The following HSD17B12 variants were observed in gnomAD, a reference collection of about 807,000 sequenced individuals.
HSD17B12 encodes the protein very-long-chain 3-oxoacyl-CoA reductase.
In HSD17B12, 32 loss-of-function variants were observed where a neutral mutation model predicts 39.3. The ratio of observed to expected loss-of-function variants is 0.81; its 90% CI spans 0.61 to 1.09. HSD17B12 has a LOEUF of 1.09. Ranked by LOEUF, HSD17B12 falls within the 50% of genes least tolerant of loss-of-function variation. The pLI is 0.00. For missense variants in HSD17B12, 342 were observed against 382.9 expected, an observed-to-expected ratio of 0.89 and a Z score of 0.89; for synonymous variants, 150 against 146.7, an observed-to-expected ratio of 1.02 and a Z score of -0.16.
At chr11:43,566,371 T>C in the HSD17B12 span, among the ~76,000 whole-genome samples, 1 of 152,242 alleles carries the variant, frequency 6.6e-6, no homozygotes, top group African/African-American at 2.4e-5. Context: ...TGTATCATCC[T>C]GTAAGTAGGT....
the HSD17B12 span, among the ~76,000 whole-genome samples, chr11:43,557,770 G>A: frequency 3.3e-5 from 5 of 152,222 alleles, no homozygotes; most frequent in East Asian, 1.9e-4. Context: ...ACTCGGGGGC[G>A]GCAGAGAAGG....
the HSD17B12 span, among the ~76,000 whole-genome samples, chr11:43,589,108 A>C: frequency 6.8e-3 from 1,041 of 152,162 alleles, 15 homozygotes; most frequent in African/African-American, 0.024. Flanking sequence ...AAGGAAAAAA[A>C]TAAGGAAAAA....
At chr11:43,575,904 G>A in the HSD17B12 span, among the ~76,000 whole-genome samples, 2 of 152,174 alleles carry the variant, frequency 1.3e-5, no homozygotes, top group Non-Finnish European at 2.9e-5. This position sits in a 1 kb window ranked among gnomAD's most constrained non-coding sequence, Gnocchi z 4.1. Flanking sequence ...GCGGTGTGTT[G>A]CAAACACAAC....
chr11:43,680,071 CT>C (rs66914646), upstream of HSD17B12, among the ~76,000 whole-genome samples: 128,843 of 148,040 alleles, frequency 0.87, 57,104 homozygotes, highest in East Asian at 0.97. Context: ...TATTTCTTTT[CT>C]TTTTTTTTTT....
chr11:43,615,289 C>T, the HSD17B12 span, among the ~76,000 whole-genome samples: 5 of 152,306 alleles, frequency 3.3e-5, no homozygotes, highest in East Asian at 9.6e-4. Flanking sequence ...TCTGGCTGGT[C>T]AGAACTCCAA....
the HSD17B12 span, among the ~76,000 whole-genome samples, chr11:43,642,343 AATG>A: frequency 6.6e-6 from 1 of 151,752 alleles, no homozygotes; most frequent in Non-Finnish European, 1.5e-5. Flanking sequence ...TTTTTAAAAG[AATG>A]ATGTGGGTAA....
At chr11:43,676,229 GTGTGTGTA>G (rs1208577181), upstream of HSD17B12, among the ~76,000 whole-genome samples, 355 of 151,664 alleles carry the variant, frequency 2.3e-3, 1 homozygote, top group Non-Finnish European at 3.5e-3. Flanking sequence ...GTGTGTGTGT[GTGTGTGTA>G]TGTGTTAAGC....
At chr11:43,681,070 C>T (rs1949739536) in intron 1 of HSD17B12, 83 bp downstream of exon 1, 1 of 1,438,734 alleles carries the variant, frequency 7.0e-7, no homozygotes, top group Non-Finnish European at 9.1e-7. Flanking sequence ...CTGGGGTCTG[C>T]TCCTGGCCTT....
At chr11:43,756,295 C>T (rs1263300328) in intron 3 of HSD17B12, among the ~76,000 whole-genome samples, 5 of 151,472 alleles carry the variant, frequency 3.3e-5, no homozygotes, top group African/African-American at 1.2e-4. Flanking sequence ...TATAGATATA[C>T]AATATATCTT....
the HSD17B12 span, among the ~76,000 whole-genome samples, chr11:43,584,034 G>A: frequency 1.1e-3 from 173 of 152,290 alleles, no homozygotes; most frequent in Middle Eastern, 6.8e-3. Context: ...TGCCCCCAGT[G>A]GGGAGAGGCA....
At chr11:43,742,344 G>A (rs995140112) in intron 1 of HSD17B12, among the ~76,000 whole-genome samples, 1 of 151,210 alleles carries the variant, frequency 6.6e-6, no homozygotes, top group Non-Finnish European at 1.5e-5. Context: ...GTCTCGCTAT[G>A]TTGCCCAGGC....
chr11:43,804,273 A>G (rs1450698522), intron 4 of HSD17B12, among the ~76,000 whole-genome samples: 1 of 152,204 alleles, frequency 6.6e-6, no homozygotes, highest in East Asian at 1.9e-4. Context: ...TTCTCTGTCC[A>G]TAGTGTTGAT....
intron 4 of HSD17B12, among the ~76,000 whole-genome samples, chr11:43,813,631 G>A (rs1951093459): frequency 6.6e-6 from 1 of 152,110 alleles, no homozygotes; most frequent in African/African-American, 2.4e-5. Flanking sequence ...TTCTGTAGGT[G>A]GTTAAAGCAA....
chr11:43,763,359 G>C (rs1164635929), intron 3 of HSD17B12, among the ~76,000 whole-genome samples: 1 of 151,928 alleles, frequency 6.6e-6, no homozygotes, highest in Non-Finnish European at 1.5e-5. Context: ...CATGACAAAA[G>C]TCAACACAAA....
chr11:43,614,660 T>C, the HSD17B12 span, among the ~76,000 whole-genome samples: 1 of 152,278 alleles, frequency 6.6e-6, no homozygotes, highest in East Asian at 1.9e-4. Flanking sequence ...TGAGACCATT[T>C]TTTATTATCC....
At chr11:43,817,650 G>A (rs1295564398) in intron 6 of HSD17B12, among the ~76,000 whole-genome samples, 1 of 151,626 alleles carries the variant, frequency 6.6e-6, no homozygotes. Context: ...GAAGATCAGT[G>A]GGCTGTGTTT....
intron 3 of HSD17B12, among the ~76,000 whole-genome samples, chr11:43,780,627 G>T (rs1326445888): frequency 1.3e-5 from 2 of 152,170 alleles, no homozygotes; most frequent in Non-Finnish European, 1.5e-5. Context: ...GCTAGATAAA[G>T]ATTATTAGAA....
chr11:43,842,389 GAGCTTTCATCCA>G (rs1438278084), intron 9 of HSD17B12, among the ~76,000 whole-genome samples: 1 of 152,176 alleles, frequency 6.6e-6, no homozygotes, highest in Non-Finnish European at 1.5e-5. Flanking sequence ...ACCCCGACCT[GAGCTTTCATCCA>G]AGGGAAGCTT....
At chr11:43,568,089 T>C in the HSD17B12 span, among the ~76,000 whole-genome samples, 1 of 152,130 alleles carries the variant, frequency 6.6e-6, no homozygotes, top group East Asian at 1.9e-4. Context: ...TTTATTCTTT[T>C]AATTTTATTT....
Sources: gnomAD v4.1 joint callset for allele counts (sites outside exome capture counted in the v4.1 genomes callset) on GRCh38, gnomAD v4.1.1 for gene constraint, Gnocchi (gnomAD v3.1) non-coding constraint, MANE v1.5 for transcripts, NCBI Gene and HGNC (gene_info 2026-07-23, HGNC 2026-07-21) for gene names.